Variants in SEMA5A observed in about 807,000 individuals in gnomAD.
SEMA5A encodes semaphorin-5A.
In SEMA5A, 55 loss-of-function variants were observed where a neutral mutation model predicts 135.5. That is an observed-to-expected ratio of 0.41 (90% confidence interval 0.33 to 0.51). The LOEUF (loss-of-function observed/expected upper bound fraction) is 0.51, where lower values mean the gene tolerates loss of function less well. Ranked by LOEUF, SEMA5A falls within the 20% of genes least tolerant of loss-of-function variation. The probability of loss-of-function intolerance (pLI) is 0.37; values close to 1 mark genes in which losing one functional copy is unlikely to be tolerated. For missense variants in SEMA5A, 1,290 were observed against 1,419.9 expected (o/e 0.91, Z 1.47); for synonymous variants, 580 against 546.5 (o/e 1.06, Z -0.85).
At chr5:9,411,529 G>A (rs908909006) in intron 2 of SEMA5A, among the ~76,000 whole-genome samples, 1 of 152,202 alleles carries the variant, frequency 6.6e-6, no homozygotes, top group Admixed American at 6.5e-5. Flanking sequence ...TTTGTAGACT[G>A]ATAGTCCAGT....
intron 16 of SEMA5A, among the ~76,000 whole-genome samples, chr5:9,088,023 C>T (rs1050692385): frequency 4.6e-5 from 7 of 152,140 alleles, no homozygotes; most frequent in Non-Finnish European, 7.3e-5. Flanking sequence ...CGTGGTGGCT[C>T]ACGCCTATAA....
intron 17 of SEMA5A, among the ~76,000 whole-genome samples, chr5:9,064,002 C>G (rs1174978678): frequency 6.6e-6 from 1 of 152,174 alleles, no homozygotes; most frequent in African/African-American, 2.4e-5. Context: ...ACAAATAACT[C>G]TAAAAGTATG....
intron 8 of SEMA5A, among the ~76,000 whole-genome samples, chr5:9,221,524 G>A (rs148872289): frequency 0.013 from 1,943 of 150,616 alleles, 36 homozygotes; most frequent in African/African-American, 0.042. Flanking sequence ...GGATGGTCTC[G>A]ATCTCCTGAC....
intron 4 of SEMA5A, among the ~76,000 whole-genome samples, chr5:9,327,368 G>A (rs551448094): frequency 1.8e-4 from 28 of 152,040 alleles, no homozygotes; most frequent in Non-Finnish European, 2.8e-4. Context: ...ATACTGTTAC[G>A]TGTGTCTGGT....
chr5:9,148,782 T>G (rs1202145500), intron 12 of SEMA5A, among the ~76,000 whole-genome samples: 1 of 151,820 alleles, frequency 6.6e-6, no homozygotes, highest in Non-Finnish European at 1.5e-5. Flanking sequence ...TGCAGTGGTG[T>G]GATCTCGGCT....
intron 4 of SEMA5A, among the ~76,000 whole-genome samples, chr5:9,318,752 A>C (rs1389802160): frequency 6.6e-6 from 1 of 152,262 alleles, no homozygotes; most frequent in African/African-American, 2.4e-5. Flanking sequence ...CTTTTACTTA[A>C]GATGATGTAC....
intron 9 of SEMA5A, among the ~76,000 whole-genome samples, chr5:9,200,026 T>C (rs1561013360): frequency 6.6e-6 from 1 of 152,224 alleles, no homozygotes; most frequent in Non-Finnish European, 1.5e-5. Context: ...TTCTGATTCA[T>C]AAGACCTCTG....
At chr5:9,421,016 AAAAC>A (rs1757449323) in intron 2 of SEMA5A, among the ~76,000 whole-genome samples, 1 of 152,234 alleles carries the variant, frequency 6.6e-6, no homozygotes, top group African/African-American at 2.4e-5. Flanking sequence ...ACTTTGTCTC[AAAAC>A]AAACAAACAA....
At chr5:9,192,243 G>T (rs937343150) in intron 10 of SEMA5A, among the ~76,000 whole-genome samples, 6 of 152,270 alleles carry the variant, frequency 3.9e-5, no homozygotes, top group African/African-American at 1.4e-4. Context: ...CATGGTCTGA[G>T]GTGAGGTCTC....
At chr5:9,419,529 G>A (rs1054786091) in intron 2 of SEMA5A, among the ~76,000 whole-genome samples, 3 of 152,178 alleles carry the variant, frequency 2.0e-5, no homozygotes, top group African/African-American at 4.8e-5. Flanking sequence ...AACGATGGTC[G>A]AGGATGCTGA....
rs985424298 is a variant in SEMA5A, at chr5:9,199,498, G to A, written c.933-2195C>T. ...TTCTTCAGGGTCTCCAGACCTGTGG[G>A]CAGGCGAGGGCAGCCCAGGTCTAGA... On this transcript the variant is annotated intron_variant, in intron 9 of 22. Coordinates refer to ENST00000382496, the MANE Select transcript of SEMA5A (RefSeq NM_003966.3). Among the ~76,000 whole-genome samples, 3 of 152,178 alleles carry A rather than the reference G, an allele frequency of 2.0e-5. No homozygotes were observed. In the East Asian group the frequency reaches 5.8e-4, roughly 29 times the overall value.
chr5:9,405,620 T>C (rs148985299), intron 2 of SEMA5A, among the ~76,000 whole-genome samples: 2 of 149,818 alleles, frequency 1.3e-5, no homozygotes, highest in East Asian at 3.9e-4. Flanking sequence ...TAAATAAGGA[T>C]ACTCACAGCC....
intron 1 of SEMA5A, among the ~76,000 whole-genome samples, chr5:9,524,675 A>C (rs992454436): frequency 6.6e-6 from 1 of 152,212 alleles, no homozygotes; most frequent in Non-Finnish European, 1.5e-5. Context: ...GCAAATACAG[A>C]TGGTAACAAT....
chr5:9,353,098 GAA>G (rs1561176724), intron 3 of SEMA5A, among the ~76,000 whole-genome samples: 1 of 21,788 alleles, frequency 4.6e-5, no homozygotes, highest in Non-Finnish European at 7.4e-5. Flanking sequence ...GGAAAGGAAG[GAA>G]GGAAAGGAAA....
intron 5 of SEMA5A, among the ~76,000 whole-genome samples, chr5:9,258,302 A>G (rs1749191845): frequency 1.3e-5 from 2 of 152,208 alleles, no homozygotes; most frequent in Non-Finnish European, 2.9e-5. Flanking sequence ...TATGCAATGA[A>G]CATCTTGGCC....
chr5:9,168,459 A>G (rs1163402323), intron 11 of SEMA5A, among the ~76,000 whole-genome samples: 1 of 152,148 alleles, frequency 6.6e-6, no homozygotes, highest in Non-Finnish European at 1.5e-5. Context: ...GCCCTTATGT[A>G]AAGGGCTTAG....
At position 9,162,564 on chromosome 5, in the gene SEMA5A, G is replaced by GTGTGTATATATA. The variant is rs1331354641; in HGVS notation, c.1274-7870_1274-7869insTATATATACACA. Among the ~76,000 whole-genome samples, 515 of 84,008 alleles carry GTGTGTATATATA rather than the reference G, an allele frequency of 6.1e-3. 13 individuals are homozygous for GTGTGTATATATA. The highest frequency in any genetic ancestry group is 0.019 in the African/African-American group (484 of 25,588). The allele number at this position is 84,008 out of a possible 152,430, so 55.1% of individuals were successfully genotyped here. On this transcript the variant is annotated intron_variant, in intron 11 of 22. Transcript: ENST00000382496. ...TGTGTGTATATATGTGTGTGTGTGT[G>GTGTGTATATATA]TATATATATATATATATATATACAC...
intron 3 of SEMA5A, among the ~76,000 whole-genome samples, chr5:9,358,421 A>C (rs979378726): frequency 1.2e-4 from 18 of 152,248 alleles, no homozygotes; most frequent in Admixed American, 3.3e-4. Flanking sequence ...CTGGGATGAC[A>C]GCTGCCACAG....
At chr5:9,444,811 G>C (rs1758369025) in intron 1 of SEMA5A, among the ~76,000 whole-genome samples, 1 of 152,080 alleles carries the variant, frequency 6.6e-6, no homozygotes, top group Admixed American at 6.5e-5. Context: ...TCTCTTAACG[G>C]TTTTTCTTTC....
Sources: gnomAD v4.1 joint callset for allele counts (sites outside exome capture counted in the v4.1 genomes callset) on GRCh38, gnomAD v4.1.1 for gene constraint, MANE v1.5 for transcripts, NCBI Gene and HGNC (gene_info 2026-07-23, HGNC 2026-07-21) for gene names.